The following ADSS2 variants were observed in gnomAD, a reference collection of about 807,000 sequenced individuals.
ADSS2 encodes the protein adenylosuccinate synthase 2.
In ADSS2, 30 loss-of-function variants were observed where a neutral mutation model predicts 60.0. The ratio of observed to expected loss-of-function variants is 0.50; its 90% CI spans 0.37 to 0.68. The LOEUF is 0.68. ADSS2 is among the 30% of genes least tolerant of loss of function. The probability of loss-of-function intolerance (pLI) is 0.00; values close to 1 mark genes in which losing one functional copy is unlikely to be tolerated. For missense variants in ADSS2, 373 were observed against 554.8 expected (o/e 0.67, Z 3.29); for synonymous variants, 187 against 193.1 (o/e 0.97, Z 0.26).
chr1:244,448,211 T>C (rs1329659722), intron 1 of ADSS2, among the ~76,000 whole-genome samples: 1 of 152,226 alleles, frequency 6.6e-6, no homozygotes, highest in African/African-American at 2.4e-5. Context: ...CATTAAATAA[T>C]ACTAACGTTA....
At chr1:244,410,937 G>C (rs909851195) in intron 12 of ADSS2, among the ~76,000 whole-genome samples, 1 of 152,168 alleles carries the variant, frequency 6.6e-6, no homozygotes. Context: ...TAAAAGAAAA[G>C]ACAGTTGGCC....
At chr1:244,419,733 A>G (rs1051804157) in intron 8 of ADSS2, among the ~76,000 whole-genome samples, 1 of 152,198 alleles carries the variant, frequency 6.6e-6, no homozygotes, top group African/African-American at 2.4e-5. Context: ...AGATGAAGGA[A>G]ATGCTCTGAA....
intron 1 of ADSS2, among the ~76,000 whole-genome samples, chr1:244,442,578 C>T (rs1166058751): frequency 6.6e-6 from 1 of 152,108 alleles, no homozygotes; most frequent in Non-Finnish European, 1.5e-5. Flanking sequence ...GGGGAAATAT[C>T]TAAGTGCTTA....
At chr1:244,438,637 T>C (rs950660000) in intron 1 of ADSS2, among the ~76,000 whole-genome samples, 7 of 152,218 alleles carry the variant, frequency 4.6e-5, no homozygotes, top group Non-Finnish European at 7.3e-5. Flanking sequence ...CTTTTAAAAG[T>C]ATACTCGGGA....
chr1:244,443,671 C>T (rs938189629), intron 1 of ADSS2, among the ~76,000 whole-genome samples: 2 of 152,220 alleles, frequency 1.3e-5, no homozygotes, highest in African/African-American at 4.8e-5. Flanking sequence ...TTTCAGACAT[C>T]ATCCTTGCAT....
intron 1 of ADSS2, among the ~76,000 whole-genome samples, chr1:244,442,337 G>A (rs575599710): frequency 6.6e-6 from 1 of 152,212 alleles, no homozygotes; most frequent in South Asian, 2.1e-4. Context: ...CCCTAAGTTT[G>A]TCCAAGTTTA....
chr1:244,433,720 C>T (rs908145992), intron 3 of ADSS2, among the ~76,000 whole-genome samples: 5 of 151,690 alleles, frequency 3.3e-5, no homozygotes, highest in South Asian at 2.1e-4. Context: ...TAGCTGGGTA[C>T]GTGATGGCGG....
intron 1 of ADSS2, among the ~76,000 whole-genome samples, chr1:244,442,642 T>C (rs935981805): frequency 1.3e-5 from 2 of 152,146 alleles, no homozygotes; most frequent in Admixed American, 1.3e-4. Context: ...ACTTTTAATC[T>C]TGAAACGCAC....
intron 4 of ADSS2, among the ~76,000 whole-genome samples, chr1:244,426,003 G>C (rs1039074961): frequency 2.6e-5 from 4 of 151,972 alleles, no homozygotes; most frequent in Admixed American, 2.0e-4. Flanking sequence ...TCATATAAGG[G>C]GATACTATAT....
At chr1:244,448,537 T>C (rs1665449976) in intron 1 of ADSS2, among the ~76,000 whole-genome samples, 1 of 152,192 alleles carries the variant, frequency 6.6e-6, no homozygotes, top group Non-Finnish European at 1.5e-5. Flanking sequence ...GGCAACTTCA[T>C]GTGTGTCATT....
intron 4 of ADSS2, among the ~76,000 whole-genome samples, chr1:244,429,410 T>C (rs1383456949): frequency 6.6e-6 from 1 of 152,226 alleles, no homozygotes; most frequent in African/African-American, 2.4e-5. Flanking sequence ...ATGAGAATTC[T>C]AATGCCTTAA....
intron 3 of ADSS2, among the ~76,000 whole-genome samples, chr1:244,436,420 C>G (rs1249870901): frequency 6.6e-6 from 1 of 152,178 alleles, no homozygotes; most frequent in Non-Finnish European, 1.5e-5. Flanking sequence ...AACGATTCCC[C>G]TTACATCTGT....
chr1:244,432,737 C>T (rs1664979869), intron 3 of ADSS2, 142 bp from the exon 4 acceptor site: 1 of 473,526 alleles, frequency 2.1e-6, no homozygotes, highest in Non-Finnish European at 3.5e-6. Flanking sequence ...GATCTCGGCT[C>T]ACTGCAAGCT....
At chr1:244,416,871 A>G (rs2147990585) in intron 10 of ADSS2, among the ~76,000 whole-genome samples, 1 of 152,334 alleles carries the variant, frequency 6.6e-6, no homozygotes. Flanking sequence ...TGATACATCA[A>G]AATTTCCCGA....
At chr1:244,434,396 C>T (rs764213487) in intron 3 of ADSS2, among the ~76,000 whole-genome samples, 26 of 150,968 alleles carry the variant, frequency 1.7e-4, no homozygotes, top group African/African-American at 2.7e-4. Flanking sequence ...GAACCCAAAT[C>T]GATGTTTTTC....
At chr1:244,410,112 C>A (rs1007845501) in intron 12 of ADSS2, among the ~76,000 whole-genome samples, 1 of 152,182 alleles carries the variant, frequency 6.6e-6, no homozygotes, top group Non-Finnish European at 1.5e-5. Context: ...CCATAAGGTA[C>A]TGTTAGGATC....
intron 1 of ADSS2, among the ~76,000 whole-genome samples, chr1:244,439,713 C>T (rs2148010681): frequency 6.6e-6 from 1 of 152,306 alleles, no homozygotes; most frequent in South Asian, 2.1e-4. Flanking sequence ...AGCACAACAC[C>T]AGGACTTGCC....
intron 11 of ADSS2, among the ~76,000 whole-genome samples, chr1:244,412,092 C>G (rs567725565): frequency 1.3e-5 from 2 of 152,284 alleles, no homozygotes; most frequent in South Asian, 2.1e-4. Context: ...GCTGCTGCCC[C>G]CCAGCAGCCC....
Position 244,408,973 on chromosome 1 carries a change from G to A in ADSS2, c.*613C>T, listed in dbSNP as rs1664346727. On this transcript the variant is annotated 3_prime_UTR_variant, in exon 13 of 13. Coordinates refer to ENST00000366535, the MANE Select transcript of ADSS2 (RefSeq NM_001126.5). ...AATAACTGACAGAAATAAGTTCTGTGTTCTGTACAAATTAAAGGTCCCATG... is the reference window on the plus strand; with the variant it reads ...AATAACTGACAGAAATAAGTTCTGTATTCTGTACAAATTAAAGGTCCCATG... 6.6e-6 allele frequency: 1 copy of A among 152,480 alleles called. No individual in the cohort carries two copies. The highest frequency in any genetic ancestry group is 2.4e-5 in the African/African-American group (1 of 41,392). 9.4% of individuals were successfully genotyped at this position (152,480 alleles called of 1,614,324 possible).
Sources: allele counts gnomAD v4.1 joint callset (sites outside exome capture counted in the v4.1 genomes callset), GRCh38; gene constraint gnomAD v4.1.1; transcripts MANE v1.5; gene names NCBI Gene and HGNC (gene_info 2026-07-23, HGNC 2026-07-21).